Variants in APBB2 observed in about 807,000 individuals in gnomAD.
The protein encoded by APBB2 is amyloid beta precursor protein binding family B member 2.
In APBB2, 38 loss-of-function variants were observed where a neutral mutation model predicts 82.5. The ratio of observed to expected loss-of-function variants is 0.46; its 90% CI spans 0.36 to 0.60. APBB2 has a LOEUF of 0.60. APBB2 is among the 20% of genes least tolerant of loss of function. APBB2 has a pLI of 0.00. For synonymous variants in APBB2, 341 were observed against 368.2 expected (o/e 0.93, Z 0.85); for missense variants, 772 against 972.3 (o/e 0.79, Z 2.74).
chr4:40,938,163 A>C (rs757727489), intron 7 of APBB2, among the ~76,000 whole-genome samples: 30 of 152,228 alleles, frequency 2.0e-4, no homozygotes, highest in Non-Finnish European at 4.1e-4. Flanking sequence ...AATGCAGCTA[A>C]AGCCTTGCAC....
chr4:41,209,182 C>T (rs112943574), intron 1 of APBB2, among the ~76,000 whole-genome samples: 1,694 of 152,154 alleles, frequency 0.011, 16 homozygotes, highest in Non-Finnish European at 0.016. Flanking sequence ...AGTCACTCTC[C>T]CTTTATTAAA....
intron 3 of APBB2, among the ~76,000 whole-genome samples, chr4:41,066,987 G>A (rs958354724): frequency 6.6e-6 from 1 of 152,124 alleles, no homozygotes; most frequent in Non-Finnish European, 1.5e-5. Context: ...GAGGAGAGAA[G>A]AATTAGTACT....
intron 2 of APBB2, among the ~76,000 whole-genome samples, chr4:41,140,381 T>A (rs565744697): frequency 6.6e-6 from 1 of 152,268 alleles, no homozygotes; most frequent in African/African-American, 2.4e-5. Flanking sequence ...GAATTAAATC[T>A]ATTTTTTAAA....
At chr4:40,862,236 G>A (rs1217669930) in intron 12 of APBB2, among the ~76,000 whole-genome samples, 1 of 152,144 alleles carries the variant, frequency 6.6e-6, no homozygotes, top group South Asian at 2.1e-4. Context: ...CAATGTTCAC[G>A]CTATTAACTC....
At chr4:40,817,195 C>A (rs1746037205) in intron 17 of APBB2, among the ~76,000 whole-genome samples, 1 of 151,918 alleles carries the variant, frequency 6.6e-6, no homozygotes, top group Non-Finnish European at 1.5e-5. Context: ...ATCACTTGAG[C>A]CCAGGAGTTT....
chr4:41,071,182 C>G (rs973879382), intron 3 of APBB2, among the ~76,000 whole-genome samples: 2 of 152,152 alleles, frequency 1.3e-5, no homozygotes, highest in African/African-American at 4.8e-5. Flanking sequence ...TTAAGCATTT[C>G]CTGCTGTTGA....
intron 6 of APBB2, among the ~76,000 whole-genome samples, chr4:41,009,859 C>T (rs1807824169): frequency 6.6e-6 from 1 of 152,156 alleles, no homozygotes; most frequent in East Asian, 1.9e-4. Flanking sequence ...CTATATAAAA[C>T]ATACATAATA....
At chr4:40,954,376 G>A (rs73152308) in intron 6 of APBB2, among the ~76,000 whole-genome samples, 12,929 of 152,174 alleles carry the variant, frequency 0.085, 595 homozygotes, top group Middle Eastern at 0.14. Flanking sequence ...TGAAAGGCAC[G>A]GGGTGGAGAG....
intron 4 of APBB2, among the ~76,000 whole-genome samples, chr4:41,042,242 G>A (rs1721800093): frequency 6.6e-6 from 1 of 152,284 alleles, no homozygotes; most frequent in African/African-American, 2.4e-5. Context: ...GCCTGCCTCA[G>A]CCTCCCAAAG....
intron 13 of APBB2, among the ~76,000 whole-genome samples, chr4:40,828,405 G>A (rs1386343491): frequency 2.6e-5 from 4 of 152,198 alleles, no homozygotes; most frequent in African/African-American, 4.8e-5. Flanking sequence ...TCCAAGTGGA[G>A]TGAAAGTCAT....
At position 40,810,354 on chromosome 4, in the gene APBB2, G is replaced by A. The variant is rs1744165783; in HGVS notation, c.*5738C>T. The A allele has an allele frequency of 6.6e-6, 1 of 152,036 alleles. No homozygotes were observed. Among genetic ancestry groups the A allele is most frequent in the Non-Finnish European group, 1.5e-5 (1 of 68,020 alleles). The allele number at this position is 152,036 out of a possible 1,614,324, so 9.4% of individuals were successfully genotyped here. ...GGAGGCTGAGGTGGGCACGCCACTT[G>A]AGCACCGGAGTTCCAGACGAGCCTG... On this transcript the variant is annotated 3_prime_UTR_variant, in exon 18 of 18. Transcript: ENST00000508593.
chr4:40,852,344 C>CT (rs1462953876), intron 12 of APBB2, among the ~76,000 whole-genome samples: 1 of 113,846 alleles, frequency 8.8e-6, no homozygotes, highest in Admixed American at 9.7e-5. Flanking sequence ...GAGCAAAACT[C>CT]TGTCTTCAAA....
At chr4:41,093,164 T>C (rs2661661) in intron 3 of APBB2, among the ~76,000 whole-genome samples, 28,493 of 152,188 alleles carry the variant, frequency 0.19, 3,759 homozygotes, top group East Asian at 0.57. Context: ...AGATGAAATG[T>C]TGATCTCAAG....
intron 6 of APBB2, among the ~76,000 whole-genome samples, chr4:40,956,009 T>C (rs904996208): frequency 6.6e-6 from 1 of 152,166 alleles, no homozygotes; most frequent in East Asian, 1.9e-4. Flanking sequence ...CCCGACGTCA[T>C]GTGATCCACC....
chr4:41,063,119 T>C (rs1730434083), intron 4 of APBB2, among the ~76,000 whole-genome samples: 1 of 152,260 alleles, frequency 6.6e-6, no homozygotes, highest in Admixed American at 6.5e-5. Flanking sequence ...ATTAACCTTC[T>C]GTATGTCAAA....
intron 10 of APBB2, among the ~76,000 whole-genome samples, chr4:40,900,482 G>T (rs1473004633): frequency 6.8e-6 from 1 of 146,040 alleles, no homozygotes; most frequent in Non-Finnish European, 1.5e-5. Flanking sequence ...TTAAGATGGA[G>T]TCTCACTCTG....
intron 5 of APBB2, among the ~76,000 whole-genome samples, chr4:41,025,173 A>G (rs1002058474): frequency 6.6e-6 from 1 of 152,212 alleles, no homozygotes; most frequent in Non-Finnish European, 1.5e-5. Context: ...AAGGAACTTA[A>G]TTAAACAAAT....
At chr4:40,941,806 CT>C (rs1052609974) in intron 7 of APBB2, among the ~76,000 whole-genome samples, 54 of 146,376 alleles carry the variant, frequency 3.7e-4, no homozygotes, top group African/African-American at 6.7e-4. Flanking sequence ...AATTTAAAAT[CT>C]TTTTTTTTTT....
At chr4:41,008,288 CG>C (rs1560511600) in intron 6 of APBB2, among the ~76,000 whole-genome samples, 1 of 152,174 alleles carries the variant, frequency 6.6e-6, no homozygotes, top group African/African-American at 2.4e-5. Flanking sequence ...CCCAGTAACT[CG>C]GGTTATTCAG....
Sources: gnomAD v4.1 joint callset for allele counts (sites outside exome capture counted in the v4.1 genomes callset) on GRCh38, gnomAD v4.1.1 for gene constraint, MANE v1.5 for transcripts, NCBI Gene and HGNC (gene_info 2026-07-23, HGNC 2026-07-21) for gene names.